Variants in CRISPLD2 observed in about 807,000 individuals in gnomAD.
The protein encoded by CRISPLD2 is cysteine-rich secretory protein LCCL domain-containing 2.
CRISPLD2 carries 47 observed loss-of-function variants against 71.1 expected under a neutral mutation model. That is an observed-to-expected ratio of 0.66 (90% confidence interval 0.52 to 0.84). CRISPLD2 has a LOEUF of 0.84. CRISPLD2 is among the 40% of genes least tolerant of loss of function. The pLI, the probability that CRISPLD2 is intolerant of heterozygous loss-of-function variation, is 0.00. For synonymous variants in CRISPLD2, 317 were observed against 250.1 expected, an observed-to-expected ratio of 1.27 and a Z score of -2.52; for missense variants, 830 against 651.1, an observed-to-expected ratio of 1.27 and a Z score of -2.99.
At chr16:84,870,925 G>A (rs545465104) in intron 8 of CRISPLD2, among the ~76,000 whole-genome samples, 1 of 152,074 alleles carries the variant, frequency 6.6e-6, no homozygotes, top group South Asian at 2.1e-4. Context: ...GGACATGGTG[G>A]CATATGCCTA....
chr16:84,875,011 C>T (rs1202209129), intron 11 of CRISPLD2, among the ~76,000 whole-genome samples: 2 of 152,040 alleles, frequency 1.3e-5, no homozygotes, highest in Non-Finnish European at 2.9e-5. Flanking sequence ...GAGACTGAGG[C>T]GGGAGGATTG....
At position 84,906,946 on chromosome 16, in the gene CRISPLD2, A is replaced by G; in HGVS notation, c.*304A>G. The G allele has an allele frequency of 2.3e-6, 1 of 431,806 alleles. No homozygotes were observed. Among genetic ancestry groups the G allele is most frequent in the East Asian group, 4.8e-5 (1 of 20,770 alleles). 26.7% of individuals were successfully genotyped at this position (431,806 alleles called of 1,614,324 possible). On this transcript the variant is annotated 3_prime_UTR_variant, in exon 15 of 15. Coordinates refer to ENST00000262424, the MANE Select transcript of CRISPLD2 (RefSeq NM_031476.4). ...CTCTTAAAGGGGACAGTTGCCCAAA[A>G]TGTTCCTTGCTATGTGTTCTTCTGT...
intron 7 of CRISPLD2, 86 bp downstream of exon 7, chr16:84,867,126 T>C: frequency 7.0e-6 from 10 of 1,426,688 alleles, no homozygotes; most frequent in Non-Finnish European, 9.6e-6. Context: ...AGCTAGTGGA[T>C]TTAGGTCTGC....
Position 84,877,336 on chromosome 16 carries a change from A to C in CRISPLD2, c.1157-102A>C, listed in dbSNP as rs558314342. 6 of 1,002,092 alleles carry C rather than the reference A, an allele frequency of 6.0e-6. No individual in the cohort carries two copies. The Admixed American group carries it at 6.1e-5, about 10-fold the overall frequency. The allele number at this position is 1,002,092 out of a possible 1,614,324, so 62.1% of individuals were successfully genotyped here. ...CCCAGCTCTATTCAAGGGCCCAGGG[A>C]ACCCATAGGCCCTGGTAGTCTAGTG... On this transcript the variant is annotated intron_variant, in intron 11 of 14. Coordinates refer to ENST00000262424, the MANE Select transcript of CRISPLD2 (RefSeq NM_031476.4).
At chr16:84,820,686 C>T (rs567132906) in intron 1 of CRISPLD2, among the ~76,000 whole-genome samples, 1 of 152,246 alleles carries the variant, frequency 6.6e-6, no homozygotes, top group Admixed American at 6.5e-5. Context: ...GTAAGTTGTC[C>T]GGGCAGAGCC....
intron 1 of CRISPLD2, among the ~76,000 whole-genome samples, chr16:84,824,959 C>T (rs1916314011): frequency 6.6e-6 from 1 of 152,002 alleles, no homozygotes; most frequent in East Asian, 1.9e-4. Context: ...CAAAAATTAG[C>T]CGGGCGTGGT....
intron 1 of CRISPLD2, among the ~76,000 whole-genome samples, chr16:84,826,211 G>A (rs992689205): frequency 6.6e-6 from 1 of 152,202 alleles, no homozygotes; most frequent in Non-Finnish European, 1.5e-5. Context: ...GGCCTGGTGT[G>A]ACCAGAAAGA....
chr16:84,852,052 G>A (rs757660595), intron 5 of CRISPLD2, among the ~76,000 whole-genome samples: 12 of 152,160 alleles, frequency 7.9e-5, no homozygotes, highest in Admixed American at 2.6e-4. Context: ...GCAGATCAAG[G>A]GGTGGCAGCA....
chr16:84,853,267 A>C (rs140627429), intron 5 of CRISPLD2, among the ~76,000 whole-genome samples: 152 of 152,248 alleles, frequency 1.0e-3, no homozygotes, highest in Admixed American at 2.0e-3. Context: ...TGAGAAACCT[A>C]CTGGGCTTCA....
chr16:84,859,029 A>G (rs1917315009), intron 6 of CRISPLD2, among the ~76,000 whole-genome samples: 1 of 152,176 alleles, frequency 6.6e-6, no homozygotes, highest in African/African-American at 2.4e-5. Flanking sequence ...CAAGTCCTTG[A>G]TGGTGGCACT....
chr16:84,859,619 T>C (rs1450810111), intron 6 of CRISPLD2, among the ~76,000 whole-genome samples: 5 of 152,254 alleles, frequency 3.3e-5, no homozygotes, highest in Non-Finnish European at 7.3e-5. Flanking sequence ...TCTGTTTTTA[T>C]AATTCAAATT....
chr16:84,884,836 T>C (rs988057410), intron 13 of CRISPLD2, among the ~76,000 whole-genome samples: 3 of 152,174 alleles, frequency 2.0e-5, no homozygotes, highest in Non-Finnish European at 4.4e-5. Context: ...GCACCGCCTC[T>C]GGGGCTGCCA....
intron 14 of CRISPLD2, among the ~76,000 whole-genome samples, chr16:84,892,249 C>A (rs959503599): frequency 1.3e-5 from 2 of 152,186 alleles, no homozygotes. Context: ...TCTGCTGAAT[C>A]GGAATCTCTG....
At chr16:84,896,001 A>G (rs1394368065) in intron 14 of CRISPLD2, among the ~76,000 whole-genome samples, 1 of 152,014 alleles carries the variant, frequency 6.6e-6, no homozygotes, top group African/African-American at 2.4e-5. Context: ...CTGAGGGATC[A>G]ATAGAGGGGT....
In CRISPLD2 at chr16:84,871,951, C is replaced by A. The variant is rs141627751; in HGVS notation, c.915-491C>A. Reference sequence around the variant, plus strand: ...GGATTCAACCGGCCTCTGATTCAACCAACCTCAAATTCAACCAACTGCAGA... The same window carrying A: ...GGATTCAACCGGCCTCTGATTCAACAAACCTCAAATTCAACCAACTGCAGA... On this transcript the variant is annotated intron_variant, in intron 8 of 14. Transcript: ENST00000262424. Among the ~76,000 whole-genome samples the A allele has an allele frequency of 2.6e-3, 386 of 150,456 alleles. 2 individuals carry two copies. The highest frequency in any genetic ancestry group is 9.0e-3 in the African/African-American group (370 of 40,894).
chr16:84,901,015 AC>A (rs2071748748), intron 14 of CRISPLD2, among the ~76,000 whole-genome samples: 1 of 24,784 alleles, frequency 4.0e-5, no homozygotes, highest in East Asian at 6.5e-3. Flanking sequence ...GTGTCACTGC[AC>A]ACACACACAC....
At chr16:84,867,263 C>T (rs1270249235) in intron 7 of CRISPLD2, among the ~76,000 whole-genome samples, 1 of 152,352 alleles carries the variant, frequency 6.6e-6, no homozygotes, top group African/African-American at 2.4e-5. Flanking sequence ...GCTTGGGTGG[C>T]ATTTTCCCCA....
Position 84,877,493 on chromosome 16 carries a change from A to G in CRISPLD2, c.1212A>G (p.Pro404=). ...CTCAGCTGTGCCCGTTTGAAAAGCC[A>G]GCAACTCACTGCCCAAGGTAAGGCG... The part of the protein sequence containing the change: ...TVAQLCPFEK[P]ATHCPRIHCP... Residue 404 remains proline, a synonymous_variant, in exon 12 of 15, where the codon CCA becomes CCG. Transcript: ENST00000262424. 6.2e-7 allele frequency: 1 copy of G among 1,613,938 alleles called. No individual in the cohort carries two copies. Among genetic ancestry groups the G allele is most frequent in the Non-Finnish European group, 8.5e-7 (1 of 1,179,858 alleles).
chr16:84,836,058 A>ATGTGATGG (rs1916610258), intron 1 of CRISPLD2: 1 of 152,246 alleles, frequency 6.6e-6, no homozygotes, highest in African/African-American at 2.4e-5. Context: ...GATGGGTTGC[A>ATGTGATGG]GTCAAAACAT....
Sources: gnomAD v4.1 joint callset for allele counts (sites outside exome capture counted in the v4.1 genomes callset) on GRCh38, gnomAD v4.1.1 for gene constraint, MANE v1.5 for transcripts, NCBI Gene and HGNC (gene_info 2026-07-23, HGNC 2026-07-21) for gene names.